The following MEGF11 variants were observed in gnomAD, a reference collection of about 807,000 sequenced individuals.
MEGF11 encodes the protein multiple EGF like domains 11.
Under a neutral mutation model 146.6 loss-of-function variants are expected in MEGF11, and 126 were observed. The ratio of observed to expected loss-of-function variants is 0.86; its 90% CI spans 0.74 to 1.00. MEGF11 has a LOEUF of 1.00. MEGF11 is among the 50% of genes least tolerant of loss of function. The probability of loss-of-function intolerance (pLI) is 0.00; values close to 1 mark genes in which losing one functional copy is unlikely to be tolerated. For missense variants in MEGF11, 1,509 were observed against 1,521.2 expected (o/e 0.99, Z 0.13); for synonymous variants, 532 against 583.4 (o/e 0.91, Z 1.27).
intron 4 of MEGF11, among the ~76,000 whole-genome samples, chr15:66,095,097 ATAAT>A (rs1484311518): frequency 6.6e-6 from 1 of 152,236 alleles, no homozygotes; most frequent in Non-Finnish European, 1.5e-5. Flanking sequence ...CACGATGATG[ATAAT>A]TGTAATTAGA....
chr15:66,112,047 A>G (rs577836369), intron 4 of MEGF11, among the ~76,000 whole-genome samples: 25 of 151,668 alleles, frequency 1.6e-4, no homozygotes, highest in Non-Finnish European at 2.5e-4. Flanking sequence ...AATTTGGGGC[A>G]TAAGGGAGGG....
rs535656901 is a variant in MEGF11, at chr15:65,914,049, C to G, written c.2474-76G>C. On this transcript the variant is annotated intron_variant, in intron 19 of 25. Coordinates refer to ENST00000395614, the MANE Select transcript of MEGF11 (RefSeq NM_001385028.1). Reference sequence around the variant, plus strand: ...GGTCTCCTGGGCCTGGGTTCAGATGCGTGTAACCCCTCTAATGTTAGGAGA... The same window carrying G: ...GGTCTCCTGGGCCTGGGTTCAGATGGGTGTAACCCCTCTAATGTTAGGAGA... 1.5e-4 allele frequency: 163 copies of G among 1,091,048 alleles called. 1 individual carries two copies. The highest frequency in any genetic ancestry group is 2.1e-4 in the Non-Finnish European group (156 of 732,132). The allele number at this position is 1,091,048 out of a possible 1,614,324, so 67.6% of individuals were successfully genotyped here.
chr15:66,157,091 C>T (rs77129652), intron 1 of MEGF11, among the ~76,000 whole-genome samples: 5,109 of 113,456 alleles, frequency 0.045, 78 homozygotes, highest in South Asian at 0.054. Flanking sequence ...ATGGGACCAA[C>T]GCCTTACAGG....
At position 66,251,336 on chromosome 15, in the gene MEGF11, C is replaced by T. The variant is rs894024223; in HGVS notation, c.-9+2269G>A. 1.3e-4 allele frequency among the ~76,000 whole-genome samples: 20 copies of T among 152,358 alleles called. 1 individual carries two copies. The East Asian group carries it at 1.9e-3, about 15-fold the overall frequency. On this transcript the variant is annotated intron_variant, in intron 1 of 25. Transcript: ENST00000395614. ...GCCTTCTCCACGGACTATCCCTAAT[C>T]CAGCCCCTCCCGAAGTGATTTCACC...
At chr15:66,210,568 G>C (rs765872608) in intron 1 of MEGF11, among the ~76,000 whole-genome samples, 1 of 152,168 alleles carries the variant, frequency 6.6e-6, no homozygotes, top group Non-Finnish European at 1.5e-5. Context: ...GTGAAAGCTC[G>C]GCTGTATGAA....
At chr15:66,029,881 T>G (rs559223254) in intron 5 of MEGF11, among the ~76,000 whole-genome samples, 207 of 152,332 alleles carry the variant, frequency 1.4e-3, no homozygotes, top group African/African-American at 4.5e-3. Flanking sequence ...CCTCTGGACC[T>G]CTCCCTCCTG....
intron 1 of MEGF11, among the ~76,000 whole-genome samples, chr15:66,174,332 T>A (rs944862786): frequency 5.9e-5 from 9 of 152,080 alleles, no homozygotes; most frequent in African/African-American, 1.9e-4. Flanking sequence ...AACAGCCCTA[T>A]CTCCATCCCT....
At chr15:66,252,690 C>T (rs1288275974) in intron 1 of MEGF11, among the ~76,000 whole-genome samples, 1 of 152,250 alleles carries the variant, frequency 6.6e-6, no homozygotes, top group Non-Finnish European at 1.5e-5. Flanking sequence ...AGGAACGATT[C>T]TGCCTATTTT....
At chr15:66,078,401 T>C (rs917905524) in intron 5 of MEGF11, among the ~76,000 whole-genome samples, 1 of 152,190 alleles carries the variant, frequency 6.6e-6, no homozygotes, top group African/African-American at 2.4e-5. Flanking sequence ...GGAGGATGAC[T>C]GGACTTCCCG....
intron 1 of MEGF11, among the ~76,000 whole-genome samples, chr15:66,231,771 C>T (rs1185488830): frequency 6.6e-6 from 1 of 152,210 alleles, no homozygotes; most frequent in Non-Finnish European, 1.5e-5. Flanking sequence ...CCACCCTTCT[C>T]CCCCTCAGTA....
At chr15:66,053,152 T>C (rs1047109264) in intron 5 of MEGF11, among the ~76,000 whole-genome samples, 1 of 152,170 alleles carries the variant, frequency 6.6e-6, no homozygotes, top group African/African-American at 2.4e-5. Flanking sequence ...AATAAATGGA[T>C]ACTTCCTTGT....
At chr15:65,936,825 C>T (rs2079805777) in intron 10 of MEGF11, among the ~76,000 whole-genome samples, 1 of 152,202 alleles carries the variant, frequency 6.6e-6, no homozygotes, top group African/African-American at 2.4e-5. Flanking sequence ...CTGTGGTTCT[C>T]ATCACACACA....
At chr15:66,093,872 C>A (rs1487737773) in intron 5 of MEGF11, among the ~76,000 whole-genome samples, 1 of 152,114 alleles carries the variant, frequency 6.6e-6, no homozygotes. Flanking sequence ...AGAAGGTGAA[C>A]CATCCACCCA....
At chr15:66,041,137 T>A (rs913564013) in intron 5 of MEGF11, among the ~76,000 whole-genome samples, 2 of 152,150 alleles carry the variant, frequency 1.3e-5, no homozygotes, top group East Asian at 3.8e-4. Flanking sequence ...TTTTTCCCAA[T>A]TGGTAAATAA....
intron 7 of MEGF11, among the ~76,000 whole-genome samples, chr15:65,972,793 C>T (rs2081335072): frequency 6.6e-6 from 1 of 152,140 alleles, no homozygotes; most frequent in Non-Finnish European, 1.5e-5. Context: ...AACACTTTCT[C>T]AGAAAGCTAT....
chr15:66,046,453 T>C (rs1041356568), intron 5 of MEGF11, among the ~76,000 whole-genome samples: 4 of 152,190 alleles, frequency 2.6e-5, no homozygotes, highest in Non-Finnish European at 5.9e-5. Context: ...TCAGGCTTTC[T>C]TTAGAGCTCA....
intron 1 of MEGF11, among the ~76,000 whole-genome samples, chr15:66,142,399 G>A (rs2089202276): frequency 6.6e-6 from 1 of 152,220 alleles, no homozygotes; most frequent in Non-Finnish European, 1.5e-5. Context: ...CCAGACTCTG[G>A]ACCATTCCAC....
At chr15:66,036,261 C>T (rs1409486275) in intron 5 of MEGF11, among the ~76,000 whole-genome samples, 2 of 152,356 alleles carry the variant, frequency 1.3e-5, no homozygotes, top group African/African-American at 4.8e-5. Context: ...GTCATGCACC[C>T]TTTACTGGCT....
rs180735377 is a variant in MEGF11 at position 66,099,000 on chromosome 15, T to G, written c.302-4506A>C. ...TCCTCAGCCCACCTAGAGTTGGCTT[T>G]TAATTGCTGTGGCCACATTGGGCTT... is the stretch of plus-strand genomic sequence containing the variant. On this transcript the variant is annotated intron_variant, in intron 4 of 25. Transcript: ENST00000395614. Among the ~76,000 whole-genome samples the G allele has an allele frequency of 8.5e-5, 13 of 152,330 alleles. No homozygotes were observed. In the South Asian group the frequency reaches 1.9e-3, roughly 22 times the overall value.
Sources: gnomAD v4.1 joint callset for allele counts (sites outside exome capture counted in the v4.1 genomes callset) on GRCh38, gnomAD v4.1.1 for gene constraint, MANE v1.5 for transcripts, NCBI Gene and HGNC (gene_info 2026-07-23, HGNC 2026-07-21) for gene names.